Variants in METTL15 observed in about 807,000 individuals in gnomAD.
The protein encoded by METTL15 is methyltransferase 15, mitochondrial 12S rRNA N4-cytidine.
In METTL15, 34 loss-of-function variants were observed where a neutral mutation model predicts 38.3. The ratio of observed to expected loss-of-function variants is 0.89; its 90% CI spans 0.68 to 1.18. The LOEUF is 1.18. Ranked by LOEUF, METTL15 falls within the 50% of genes most tolerant of loss-of-function variation. The pLI is 0.00. For synonymous variants in METTL15, 162 were observed against 170.9 expected, an observed-to-expected ratio of 0.95 and a Z score of 0.41; for missense variants, 438 against 498.4, an observed-to-expected ratio of 0.88 and a Z score of 1.15.
At chr11:28,280,541 G>A (rs1337683210) in intron 4 of METTL15, among the ~76,000 whole-genome samples, 1 of 151,706 alleles carries the variant, frequency 6.6e-6, no homozygotes, top group Non-Finnish European at 1.5e-5. Flanking sequence ...TCTGTGGTTT[G>A]CAATCTTGAA....
intron 6 of METTL15, among the ~76,000 whole-genome samples, chr11:28,463,951 A>G (rs77955488): frequency 1.5e-4 from 23 of 152,254 alleles, no homozygotes; most frequent in African/African-American, 5.1e-4. Context: ...CTCATGTCAG[A>G]AACAAAATAA....
chr11:28,467,945 A>G (rs1851270676), intron 6 of METTL15, among the ~76,000 whole-genome samples: 1 of 152,178 alleles, frequency 6.6e-6, no homozygotes. Flanking sequence ...CCCATTCTAA[A>G]TAAATCAAGA....
intron 6 of METTL15, among the ~76,000 whole-genome samples, chr11:28,310,524 TAATG>T (rs920386579): frequency 7.2e-5 from 11 of 152,160 alleles, no homozygotes; most frequent in African/African-American, 2.7e-4. Context: ...TTTAGAATCT[TAATG>T]AATGGGCTTT....
intron 6 of METTL15, among the ~76,000 whole-genome samples, chr11:28,297,786 G>A (rs1250941769): frequency 6.6e-6 from 1 of 151,690 alleles, no homozygotes; most frequent in Admixed American, 6.6e-5. Context: ...TTTTTCAGTG[G>A]TTCCTATTAA....
At chr11:28,495,742 G>A (rs925856408) in intron 6 of METTL15, among the ~76,000 whole-genome samples, 8 of 151,624 alleles carry the variant, frequency 5.3e-5, no homozygotes, top group Admixed American at 5.2e-4. Context: ...TGAAAGCCAA[G>A]TGAAGCCCTC....
chr11:28,347,377 C>T (rs1231029644), intron 3 of METTL15, among the ~76,000 whole-genome samples: 8 of 152,176 alleles, frequency 5.3e-5, no homozygotes, highest in Non-Finnish European at 1.0e-4. Flanking sequence ...ACATACGACC[C>T]AACCATCTTT....
intron 6 of METTL15, among the ~76,000 whole-genome samples, chr11:28,443,212 A>G (rs1851049273): frequency 2.6e-5 from 4 of 152,222 alleles, no homozygotes; most frequent in Admixed American, 6.5e-5. Flanking sequence ...TGCTTAACCT[A>G]GCAGCATCTT....
intron 6 of METTL15, among the ~76,000 whole-genome samples, chr11:28,512,573 G>A (rs1358348352): frequency 4.6e-5 from 7 of 152,342 alleles, no homozygotes; most frequent in African/African-American, 9.6e-5. Flanking sequence ...CAGCTGGCCC[G>A]GGTGCTAAGC....
intron 6 of METTL15, among the ~76,000 whole-genome samples, chr11:28,526,309 G>A (rs1266747729): frequency 6.6e-6 from 1 of 152,244 alleles, no homozygotes; most frequent in Non-Finnish European, 1.5e-5. Context: ...CCAAGAGTGA[G>A]CGAGGGCTGC....
At chr11:28,378,340 C>T (rs922878980) in intron 5 of METTL15, among the ~76,000 whole-genome samples, 8 of 152,206 alleles carry the variant, frequency 5.3e-5, no homozygotes, top group Non-Finnish European at 1.0e-4. Context: ...GAGCCAGGTG[C>T]GGGATATAAT....
intron 3 of METTL15, among the ~76,000 whole-genome samples, chr11:28,197,932 T>A (rs1049728090): frequency 9.2e-5 from 14 of 152,112 alleles, no homozygotes; most frequent in African/African-American, 2.2e-4. Flanking sequence ...CAAAAAAGAT[T>A]TTTTTGAAAA....
intron 6 of METTL15, among the ~76,000 whole-genome samples, chr11:28,473,673 A>G (rs970439429): frequency 2.0e-5 from 3 of 152,146 alleles, no homozygotes; most frequent in African/African-American, 7.2e-5. Flanking sequence ...AGGATGTCCC[A>G]GGCATAGAAT....
intron 3 of METTL15, among the ~76,000 whole-genome samples, chr11:28,136,270 G>T (rs1252245867): frequency 6.6e-6 from 1 of 152,096 alleles, no homozygotes; most frequent in African/African-American, 2.4e-5. Flanking sequence ...GGAGATAATT[G>T]AATCATGGGG....
chr11:28,149,886 A>T (rs192694005), intron 3 of METTL15, among the ~76,000 whole-genome samples: 1 of 152,124 alleles, frequency 6.6e-6, no homozygotes, highest in African/African-American at 2.4e-5. Context: ...TGAGGCAAGA[A>T]AACATCTCTG....
At chr11:28,488,505 A>G (rs991263077) in intron 6 of METTL15, among the ~76,000 whole-genome samples, 14 of 152,178 alleles carry the variant, frequency 9.2e-5, no homozygotes, top group African/African-American at 3.4e-4. Context: ...TAATCTATTT[A>G]CCACCCACTA....
chr11:28,429,638 C>T (rs1478212785), intron 6 of METTL15, among the ~76,000 whole-genome samples: 17 of 58,442 alleles, frequency 2.9e-4, no homozygotes, highest in Non-Finnish European at 4.5e-4. Context: ...GGATTGCAGA[C>T]GGAGTCTCGT....
chr11:28,448,181 C>G (rs922541347), intron 6 of METTL15, among the ~76,000 whole-genome samples: 1 of 152,184 alleles, frequency 6.6e-6, no homozygotes, highest in African/African-American at 2.4e-5. Flanking sequence ...CTCCATTTAA[C>G]ATGGTAGAGC....
At chr11:28,531,922 T>C (rs1347056567), downstream of METTL15, among the ~76,000 whole-genome samples, 1 of 152,078 alleles carries the variant, frequency 6.6e-6, no homozygotes, top group African/African-American at 2.4e-5. Flanking sequence ...ATATTAACAT[T>C]CACTTACCTA....
At chr11:28,475,510 G>A (rs1371175961) in intron 6 of METTL15, among the ~76,000 whole-genome samples, 1 of 152,174 alleles carries the variant, frequency 6.6e-6, no homozygotes, top group Non-Finnish European at 1.5e-5. Flanking sequence ...TGTGGCTGTT[G>A]AGAAATGGTT....
Sources: gnomAD v4.1 joint callset for allele counts (sites outside exome capture counted in the v4.1 genomes callset) on GRCh38, gnomAD v4.1.1 for gene constraint, MANE v1.5 for transcripts, NCBI Gene and HGNC (gene_info 2026-07-23, HGNC 2026-07-21) for gene names.